Variants in RCC1 observed in about 807,000 individuals in gnomAD.
The protein encoded by RCC1 is regulator of chromosome condensation 1, also known as regulator of chromosome condensation.
In RCC1, 11 loss-of-function variants were observed where a neutral mutation model predicts 44.4. The ratio of observed to expected loss-of-function variants is 0.25; its 90% CI spans 0.16 to 0.41. RCC1 has a LOEUF of 0.41. Among genes scored for constraint, RCC1 ranks in the 10% least tolerant of loss-of-function variants. The probability of loss-of-function intolerance (pLI) is 1.00; values close to 1 mark genes in which losing one functional copy is unlikely to be tolerated. For missense variants in RCC1, 386 were observed against 547.1 expected (o/e 0.71, Z 2.94); for synonymous variants, 213 against 216.5 (o/e 0.98, Z 0.14).
At chr1:28,514,672 A>C (rs1156604175) in intron 3 of RCC1, among the ~76,000 whole-genome samples, 4 of 151,934 alleles carry the variant, frequency 2.6e-5, no homozygotes, top group African/African-American at 9.7e-5. Flanking sequence ...GAGGCAGGAG[A>C]ATTGCTTGAA....
chr1:28,507,419 T>C (rs763194426), intron 1 of RCC1: 2 of 518,850 alleles, frequency 3.9e-6, no homozygotes, highest in African/African-American at 3.9e-5. Flanking sequence ...CCAAGTGGCG[T>C]AGGGGAGCAT....
Position 28,535,103 on chromosome 1 carries a change from T to C in RCC1, c.495T>C (p.Pro165=), listed in dbSNP as rs148399552. Residue 165 remains proline, a synonymous_variant, in exon 8 of 13, where the codon CCT becomes CCC. Coordinates refer to ENST00000683442, the MANE Select transcript of RCC1 (RefSeq NM_001381865.2). ...LLEPMKKSMV[P]VQVQLDVPVV... ...AGCCCATGAAGAAGAGCATGGTGCC[T>C]GTGCAGGTGCAGCTGGATGTGCCTG... is the stretch of plus-strand genomic sequence containing the variant. 34 of 1,614,186 alleles carry C rather than the reference T, an allele frequency of 2.1e-5. No individual in the cohort carries two copies. The African/African-American group carries it at 4.3e-4, about 20-fold the overall frequency.
intron 3 of RCC1, among the ~76,000 whole-genome samples, chr1:28,511,579 C>T (rs1191232966): frequency 6.6e-6 from 1 of 151,760 alleles, no homozygotes; most frequent in African/African-American, 2.4e-5. Flanking sequence ...CCATGTTAGC[C>T]AGGAAGGTCT....
intron 1 of RCC1, chr1:28,507,649 C>CTGGAGTG: frequency 2.4e-6 from 1 of 418,826 alleles, no homozygotes; most frequent in African/African-American, 2.4e-5. Flanking sequence ...GTTGCCCAGG[C>CTGGAGTG]TGGAGTGCAG....
intron 12 of RCC1, among the ~76,000 whole-genome samples, chr1:28,537,179 A>T (rs920340109): frequency 3.9e-5 from 6 of 152,246 alleles, no homozygotes; most frequent in African/African-American, 1.4e-4. Context: ...CTGGAACCCA[A>T]GTCTCCAGAC....
chr1:28,514,074 CA>C (rs1662720236), intron 3 of RCC1, among the ~76,000 whole-genome samples: 1 of 151,146 alleles, frequency 6.6e-6, no homozygotes, highest in South Asian at 2.1e-4. Context: ...GAGGCTGAGG[CA>C]GAAGATTGCT....
At chr1:28,511,667 C>CT (rs1372445552) in intron 3 of RCC1, among the ~76,000 whole-genome samples, 3,569 of 145,084 alleles carry the variant, frequency 0.025, 107 homozygotes, top group African/African-American at 0.077. Flanking sequence ...CCATGCCCAG[C>CT]TTTTTTTTTT....
At chr1:28,509,158 T>G (rs374001650) in intron 3 of RCC1, 2 of 315,766 alleles carry the variant, frequency 6.3e-6, no homozygotes. Flanking sequence ...GTTTTTGTAC[T>G]AAAGGCTTTG....
At chr1:28,532,892 T>C (rs2124660173) in intron 7 of RCC1, 1 of 320,864 alleles carries the variant, frequency 3.1e-6, no homozygotes, top group Non-Finnish European at 6.3e-6. Flanking sequence ...CTTGGCTCAC[T>C]GCAACCTCTG....
intron 9 of RCC1, 89 bp downstream of exon 9, chr1:28,535,469 G>A: frequency 3.8e-6 from 6 of 1,579,568 alleles, no homozygotes; most frequent in South Asian, 2.3e-5. Flanking sequence ...CTGTGGTCAG[G>A]CTTGCATCAG....
chr1:28,518,641 C>T (rs1663066174), intron 4 of RCC1: 1 of 151,108 alleles, frequency 6.6e-6, no homozygotes, highest in Admixed American at 6.6e-5. Flanking sequence ...GCCGGGTGCG[C>T]GCGGCCGCCC....
In RCC1 at chr1:28,538,227, T is replaced by A; in HGVS notation, c.*220T>A. 1.3e-4 allele frequency: 49 copies of A among 370,468 alleles called. No individual in the cohort carries two copies. The highest frequency in any genetic ancestry group is 1.6e-4 in the Non-Finnish European group (32 of 202,038). 22.9% of individuals were successfully genotyped at this position (370,468 alleles called of 1,614,324 possible). ...AATAAAGGGGGGGATGGACAGGGGG[T>A]TTTCAAAAGGAACATGGCTCACTCA... On this transcript the variant is annotated 3_prime_UTR_variant, in exon 13 of 13. Coordinates refer to ENST00000683442, the MANE Select transcript of RCC1 (RefSeq NM_001381865.2).
chr1:28,511,175 T>A (rs915012273), intron 3 of RCC1, among the ~76,000 whole-genome samples: 1 of 152,176 alleles, frequency 6.6e-6, no homozygotes, highest in Non-Finnish European at 1.5e-5. Flanking sequence ...CACCACTTGC[T>A]GTTCATGAGA....
At chr1:28,535,584 A>G (rs1664496378) in intron 9 of RCC1, 1 of 845,764 alleles carries the variant, frequency 1.2e-6, no homozygotes, top group Non-Finnish European at 1.9e-6. Context: ...CACTAAGTCT[A>G]CCTACCTGTA....
intron 2 of RCC1, chr1:28,508,483 C>T: frequency 4.4e-6 from 2 of 457,024 alleles, no homozygotes; most frequent in South Asian, 3.1e-5. Context: ...GAGAAAGATA[C>T]TAGCCCTTGA....
intron 1 of RCC1, chr1:28,506,312 G>T (rs1439504797): frequency 2.4e-6 from 1 of 424,782 alleles, no homozygotes; most frequent in South Asian, 1.6e-5. Flanking sequence ...AGCCTCTCCA[G>T]CAGCTGGGAT....
intron 5 of RCC1, chr1:28,530,423 G>T (rs974077309): frequency 9.0e-6 from 10 of 1,109,392 alleles, no homozygotes; most frequent in South Asian, 2.9e-5. Flanking sequence ...GGTTTCCTCT[G>T]TCCTGGGACC....
At chr1:28,537,767 C>T in intron 12 of RCC1, 65 bp from the exon 13 acceptor site, 1 of 1,506,262 alleles carries the variant, frequency 6.6e-7, no homozygotes, top group Admixed American at 2.1e-5. Context: ...TCCCAGGTTT[C>T]TCCTGCTACA....
intron 4 of RCC1, chr1:28,518,361 G>T (rs2124623128): frequency 6.6e-6 from 1 of 152,230 alleles, no homozygotes; most frequent in East Asian, 1.9e-4. Flanking sequence ...GGTAAGCGGA[G>T]CGGCCACAGC....
Sources: gnomAD v4.1 joint callset for allele counts (sites outside exome capture counted in the v4.1 genomes callset) on GRCh38, gnomAD v4.1.1 for gene constraint, MANE v1.5 for transcripts, NCBI Gene and HGNC (gene_info 2026-07-23, HGNC 2026-07-21) for gene names.